Variants in PRKCE observed in about 807,000 individuals in gnomAD.
The protein encoded by PRKCE is protein kinase C epsilon type.
Under a neutral mutation model 85.4 loss-of-function variants are expected in PRKCE, and 16 were observed. The ratio of observed to expected loss-of-function variants is 0.19; its 90% CI spans 0.13 to 0.28. The LOEUF is 0.28. Among genes scored for constraint, PRKCE ranks in the 10% least tolerant of loss-of-function variants. PRKCE has a pLI of 1.00. For synonymous variants in PRKCE, 388 were observed against 371.5 expected, an observed-to-expected ratio of 1.04 and a Z score of -0.51; for missense variants, 573 against 975.2, an observed-to-expected ratio of 0.59 and a Z score of 5.49.
intron 2 of PRKCE, among the ~76,000 whole-genome samples, chr2:45,909,259 A>C (rs917101456): frequency 6.6e-6 from 1 of 152,216 alleles, no homozygotes; most frequent in Non-Finnish European, 1.5e-5. Context: ...AACGAAGATT[A>C]TTGTCCCCAA....
chr2:45,964,130 A>C (rs1262511993), intron 2 of PRKCE, among the ~76,000 whole-genome samples: 3 of 152,218 alleles, frequency 2.0e-5, no homozygotes, highest in Non-Finnish European at 4.4e-5. Context: ...TGCCTATGGC[A>C]TTAAAAGGCT....
intron 10 of PRKCE, among the ~76,000 whole-genome samples, chr2:46,022,386 G>C (rs1292314701): frequency 1.3e-5 from 2 of 152,192 alleles, no homozygotes; most frequent in Non-Finnish European, 2.9e-5. Flanking sequence ...TTTACCTGTT[G>C]CTAATGCATG....
intron 1 of PRKCE, among the ~76,000 whole-genome samples, chr2:45,703,021 T>TC (rs11445755): frequency 0.12 from 17,839 of 150,030 alleles, 1,333 homozygotes; most frequent in East Asian, 0.28. Flanking sequence ...AAGCCTTTTT[T>TC]CCCCCCCCGT....
At chr2:45,892,975 G>A (rs1334152277) in intron 2 of PRKCE, among the ~76,000 whole-genome samples, 1 of 152,184 alleles carries the variant, frequency 6.6e-6, no homozygotes, top group Non-Finnish European at 1.5e-5. Flanking sequence ...GTGAAAGTCA[G>A]CCTGGGCCTC....
At chr2:45,865,674 G>A (rs1693533824) in intron 2 of PRKCE, among the ~76,000 whole-genome samples, 1 of 152,126 alleles carries the variant, frequency 6.6e-6, no homozygotes, top group South Asian at 2.1e-4. Context: ...AACATGTGAG[G>A]CTGCTGTGCT....
intron 2 of PRKCE, among the ~76,000 whole-genome samples, chr2:45,863,075 G>A (rs942751278): frequency 6.6e-6 from 1 of 152,186 alleles, no homozygotes; most frequent in Non-Finnish European, 1.5e-5. Context: ...GGGGGTTGTG[G>A]GAGAGGGAAG....
intron 2 of PRKCE, among the ~76,000 whole-genome samples, chr2:45,973,416 G>T (rs1411738979): frequency 2.6e-5 from 4 of 152,194 alleles, no homozygotes; most frequent in Non-Finnish European, 5.9e-5. Context: ...CTCACTTGAA[G>T]CATGAAGTTT....
intron 1 of PRKCE, among the ~76,000 whole-genome samples, chr2:45,764,974 G>A (rs956136435): frequency 3.9e-5 from 6 of 152,154 alleles, no homozygotes; most frequent in East Asian, 3.9e-4. Flanking sequence ...CAAGAGCAGA[G>A]CAAACATGCT....
chr2:45,798,779 T>A (rs1394951513), intron 1 of PRKCE, among the ~76,000 whole-genome samples: 17 of 149,668 alleles, frequency 1.1e-4, no homozygotes, highest in South Asian at 4.2e-4. Flanking sequence ...TTTTTTTTTT[T>A]ACCTGTTTTC....
chr2:46,089,233 G>C (rs145048510), intron 11 of PRKCE, among the ~76,000 whole-genome samples: 2,855 of 152,214 alleles, frequency 0.019, 35 homozygotes, highest in Non-Finnish European at 0.027. Flanking sequence ...CCTTCGCATG[G>C]CTTCAGACAA....
chr2:46,027,145 A>T (rs972937106), intron 10 of PRKCE, among the ~76,000 whole-genome samples: 3 of 152,126 alleles, frequency 2.0e-5, no homozygotes, highest in African/African-American at 7.2e-5. Flanking sequence ...CTCCAGCCTG[A>T]GCAACAGAGC....
intron 2 of PRKCE, among the ~76,000 whole-genome samples, chr2:45,914,250 G>A (rs563696345): frequency 1.3e-5 from 2 of 152,348 alleles, no homozygotes; most frequent in African/African-American, 4.8e-5. Context: ...AAGCCAGGTG[G>A]AGGGTAAATG....
intron 2 of PRKCE, among the ~76,000 whole-genome samples, chr2:45,964,841 A>G (rs1701626356): frequency 6.6e-6 from 1 of 152,194 alleles, no homozygotes; most frequent in Non-Finnish European, 1.5e-5. Context: ...TGCTGTGCCT[A>G]CCGTATCAAA....
intron 1 of PRKCE, among the ~76,000 whole-genome samples, chr2:45,823,546 A>C (rs1221796624): frequency 6.6e-6 from 1 of 152,172 alleles, no homozygotes; most frequent in Non-Finnish European, 1.5e-5. Context: ...GTACCAGGGG[A>C]TGTGTTACAC....
chr2:46,016,063 G>A (rs1317761725), intron 10 of PRKCE, among the ~76,000 whole-genome samples: 1 of 152,176 alleles, frequency 6.6e-6, no homozygotes, highest in Admixed American at 6.5e-5. Context: ...TACAGGCTTA[G>A]TGTTGGCAGA....
At chr2:45,924,255 G>C (rs914620335) in intron 2 of PRKCE, among the ~76,000 whole-genome samples, 7 of 152,192 alleles carry the variant, frequency 4.6e-5, no homozygotes, top group African/African-American at 1.7e-4. Context: ...TTATAAGAAT[G>C]GGAAAGAGAC....
At chr2:45,915,005 C>T (rs1441533881) in intron 2 of PRKCE, among the ~76,000 whole-genome samples, 1 of 152,224 alleles carries the variant, frequency 6.6e-6, no homozygotes, top group Non-Finnish European at 1.5e-5. Context: ...GGCATGACCT[C>T]AGCTCACTGC....
At chr2:45,760,519 C>A (rs1313796298) in intron 1 of PRKCE, among the ~76,000 whole-genome samples, 2 of 152,192 alleles carry the variant, frequency 1.3e-5, no homozygotes, top group Non-Finnish European at 2.9e-5. Flanking sequence ...GGTCCATCGA[C>A]AACAAAAGCC....
intron 11 of PRKCE, among the ~76,000 whole-genome samples, chr2:46,105,438 C>G (rs1303136859): frequency 1.6e-5 from 2 of 126,792 alleles, no homozygotes; most frequent in African/African-American, 5.4e-5. Flanking sequence ...CACAAATTAT[C>G]TTTATCTTTC....
Sources: gnomAD v4.1 joint callset for allele counts (sites outside exome capture counted in the v4.1 genomes callset) on GRCh38, gnomAD v4.1.1 for gene constraint, MANE v1.5 for transcripts, NCBI Gene and HGNC (gene_info 2026-07-23, HGNC 2026-07-21) for gene names.